The following PTK7 variants were observed in gnomAD, a reference collection of about 807,000 sequenced individuals.
PTK7 encodes the protein inactive tyrosine-protein kinase 7.
PTK7 carries 39 observed loss-of-function variants against 116.6 expected under a neutral mutation model. That is an observed-to-expected ratio of 0.33 (90% confidence interval 0.26 to 0.44). The LOEUF (loss-of-function observed/expected upper bound fraction) is 0.44. Among genes scored for constraint, PTK7 ranks in the 20% least tolerant of loss-of-function variants. The pLI is 1.00. For synonymous variants in PTK7, 546 were observed against 563.6 expected (o/e 0.97, Z 0.44); for missense variants, 1,169 against 1,425.6 (o/e 0.82, Z 2.90).
At chr6:43,103,456 G>GGTGT (rs3840390) in intron 1 of PTK7, among the ~76,000 whole-genome samples, 32,093 of 150,244 alleles carry the variant, frequency 0.21, 3,891 homozygotes, top group Non-Finnish European at 0.29. Flanking sequence ...GAGTATTACA[G>GGTGT]GTGTGTGTGT....
rs758795754 is a variant in PTK7 at position 43,076,459 on chromosome 6, C to T, written c.-30C>T. The T allele has an allele frequency of 3.9e-6, 6 of 1,532,724 alleles. No individual in the cohort carries two copies. Among genetic ancestry groups the T allele is most frequent in the Non-Finnish European group, 5.2e-6 (6 of 1,147,976 alleles). The allele number at this position is 1,532,724 out of a possible 1,614,324, so 94.9% of individuals were successfully genotyped here. On this transcript the variant is annotated 5_prime_UTR_variant, in exon 1 of 20. Coordinates refer to ENST00000230419, the MANE Select transcript of PTK7 (RefSeq NM_002821.5). This position sits in a 1 kb window ranked among gnomAD's most constrained non-coding sequence, Gnocchi z 5.7. Reference sequence around the variant, plus strand: ...GCGCAGTCTGCGCGCCCGCCGTGCGCCCTCAGCTCCTTTTCCTGAGCCCGC... The same window carrying T: ...GCGCAGTCTGCGCGCCCGCCGTGCGTCCTCAGCTCCTTTTCCTGAGCCCGC...
intron 1 of PTK7, among the ~76,000 whole-genome samples, chr6:43,114,254 C>T (rs1220315679): frequency 6.6e-6 from 1 of 152,194 alleles, no homozygotes; most frequent in Non-Finnish European, 1.5e-5. Context: ...TACTTGATCT[C>T]TGTCTCTCAG....
At chr6:43,130,982 G>T (rs1321587316) in intron 5 of PTK7, among the ~76,000 whole-genome samples, 14 of 151,372 alleles carry the variant, frequency 9.2e-5, no homozygotes, top group Admixed American at 5.3e-4. Flanking sequence ...GACCTAGGTA[G>T]TCAGGTGGTC....
chr6:43,142,396 C>T, intron 13 of PTK7, 97 bp downstream of exon 13: 2 of 1,575,618 alleles, frequency 1.3e-6, no homozygotes, highest in Non-Finnish European at 1.7e-6. Context: ...GGCACAGAAG[C>T]CATTTTTGTG....
At chr6:43,105,450 CAAAAAAAAAAA>C (rs34623759) in intron 1 of PTK7, among the ~76,000 whole-genome samples, 6 of 93,422 alleles carry the variant, frequency 6.4e-5, no homozygotes, top group Non-Finnish European at 1.2e-4. Flanking sequence ...AACTGTATAG[CAAAAAAAAAAA>C]AAAAAAAAAG....
chr6:43,146,236 T>G, intron 16 of PTK7: 1 of 162,542 alleles, frequency 6.2e-6, no homozygotes, highest in Non-Finnish European at 1.3e-5. Flanking sequence ...GCGTTCTCCT[T>G]TGTTTGTTTA....
In PTK7 at chr6:43,158,924, A is replaced by ACTGGTGTCTGG. The variant is rs1771673057; in HGVS notation, c.2829_2830insCTGGTGTCTGG (p.Val944LeufsTer5). ...ACTGCCTGGTCAGTGCCCAGAGACA[A>ACTGGTGTCTGG]GTGAAGGTGTCTGCCCTGGGCCTCA... On this transcript the variant is annotated frameshift_variant, in exon 18 of 20. Coordinates refer to ENST00000230419, the MANE Select transcript of PTK7 (RefSeq NM_002821.5). LOFTEE classifies it high-confidence loss of function. 1 of 1,614,194 alleles carries ACTGGTGTCTGG rather than the reference A, an allele frequency of 6.2e-7. No individual in the cohort carries two copies. The highest frequency in any genetic ancestry group is 8.5e-7 in the Non-Finnish European group (1 of 1,180,030).
chr6:43,097,174 G>A (rs1443293313), intron 1 of PTK7, among the ~76,000 whole-genome samples: 1 of 152,210 alleles, frequency 6.6e-6, no homozygotes, highest in Non-Finnish European at 1.5e-5. Flanking sequence ...ACCTTGCTGA[G>A]TTGGGGGCAC....
rs1338267344 is a variant in PTK7 at position 43,139,122 on chromosome 6, C to T, written c.1363-14C>T. ...TGTGGGTTCAGGCTCTGAGGCCTCT[C>T]ACCTGTGCTGCAGGACTCACGGTTC... On this transcript the variant is annotated splice_polypyrimidine_tract_variant and intron_variant, in intron 8 of 19. Transcript: ENST00000230419. This position sits in a 1 kb window ranked among gnomAD's most constrained non-coding sequence, Gnocchi z 4.6. 2 of 1,614,004 alleles carry T rather than the reference C, an allele frequency of 1.2e-6. No homozygotes were observed. Among genetic ancestry groups the T allele is most frequent in the Non-Finnish European group, 1.7e-6 (2 of 1,179,954 alleles).
At chr6:43,106,070 G>T (rs1283504368) in intron 1 of PTK7, among the ~76,000 whole-genome samples, 1 of 151,974 alleles carries the variant, frequency 6.6e-6, no homozygotes, top group Non-Finnish European at 1.5e-5. Flanking sequence ...TGGAAACAGG[G>T]ACTCATTGTG....
Position 43,141,636 on chromosome 6 carries a change from C to A in PTK7, c.1619-32C>A. On this transcript the variant is annotated intron_variant, in intron 10 of 19. Coordinates refer to ENST00000230419, the MANE Select transcript of PTK7 (RefSeq NM_002821.5). The surrounding 1 kb of genome is among the most constrained non-coding windows in gnomAD (Gnocchi z 4.9). ...GCCAGCTGTCTGTGTAACCCTGATC[C>A]TTCCCATAATTTCCCTTTGTTACCC... 1 of 1,608,306 alleles carries A rather than the reference C, an allele frequency of 6.2e-7. No individual in the cohort carries two copies. Among genetic ancestry groups the A allele is most frequent in the Non-Finnish European group, 8.5e-7 (1 of 1,176,064 alleles).
rs139590768 is a variant in PTK7, at chr6:43,088,374, A to G, written c.79+11807A>G. 5.4e-3 allele frequency among the ~76,000 whole-genome samples: 817 copies of G among 152,054 alleles called. 6 individuals are homozygous for G. Among genetic ancestry groups the G allele is most frequent in the African/African-American group, 0.019 (780 of 41,448 alleles). ...CTGTGCCTTCACTTAGAGTCCTTGT[A>G]TGTCCAGGTGTTACTGTGCTATGAT... On this transcript the variant is annotated intron_variant, in intron 1 of 19. Coordinates refer to ENST00000230419, the MANE Select transcript of PTK7 (RefSeq NM_002821.5).
At chr6:43,142,601 C>A in intron 13 of PTK7, 1 of 468,032 alleles carries the variant, frequency 2.1e-6, no homozygotes, top group Non-Finnish European at 4.0e-6. Flanking sequence ...CTCTGGGTGG[C>A]TGGGGAGGAG....
intron 1 of PTK7, among the ~76,000 whole-genome samples, chr6:43,091,426 C>T (rs1178122240): frequency 6.6e-6 from 1 of 152,146 alleles, no homozygotes; most frequent in African/African-American, 2.4e-5. Flanking sequence ...CTCGGCCTCT[C>T]GAAGTGTTGG....
chr6:43,082,441 G>T (rs1175257505), intron 1 of PTK7, among the ~76,000 whole-genome samples: 1 of 152,154 alleles, frequency 6.6e-6, no homozygotes, highest in African/African-American at 2.4e-5. Context: ...CTCCCAAAGT[G>T]CTGGGATTAC....
chr6:43,133,583 A>C (rs1483801077), intron 7 of PTK7: 3 of 152,206 alleles, frequency 2.0e-5, no homozygotes, highest in Non-Finnish European at 4.4e-5. Context: ...AAAACAAAAC[A>C]AAACAAACCT....
chr6:43,157,168 G>T (rs7771976), intron 17 of PTK7, among the ~76,000 whole-genome samples: 36,055 of 131,970 alleles, frequency 0.27, 6,882 homozygotes, highest in African/African-American at 0.54. Flanking sequence ...TTGGATTGTG[G>T]TTTTTTTTTT....
At position 43,098,314 on chromosome 6, in the gene PTK7, G is replaced by A. The variant is rs142683999; in HGVS notation, c.79+21747G>A. On this transcript the variant is annotated intron_variant, in intron 1 of 19. Transcript: ENST00000230419. Reference sequence around the variant, plus strand: ...TTGCCTAGTCCTGGGCTTAGTTCACGTCCTGTCATTTCTCTCTTGGAATGC... The same window carrying A: ...TTGCCTAGTCCTGGGCTTAGTTCACATCCTGTCATTTCTCTCTTGGAATGC... Among the ~76,000 whole-genome samples the A allele has an allele frequency of 3.3e-5, 5 of 151,274 alleles. No individual in the cohort carries two copies. In the East Asian group the frequency reaches 7.8e-4, roughly 23 times the overall value.
intron 17 of PTK7, among the ~76,000 whole-genome samples, chr6:43,157,387 T>C (rs1771567188): frequency 8.7e-6 from 1 of 115,514 alleles, no homozygotes; most frequent in South Asian, 2.9e-4. Flanking sequence ...TTTTTTTTTT[T>C]TTTTTTTTAA....
Sources: gnomAD v4.1 joint callset for allele counts (sites outside exome capture counted in the v4.1 genomes callset) on GRCh38, gnomAD v4.1.1 for gene constraint, Gnocchi (gnomAD v3.1) non-coding constraint, MANE v1.5 for transcripts, NCBI Gene and HGNC (gene_info 2026-07-23, HGNC 2026-07-21) for gene names.